The following TAOK1 variants were observed in gnomAD, a reference collection of about 807,000 sequenced individuals.
TAOK1 encodes TAO kinase 1.
In TAOK1, 21 loss-of-function variants were observed where a neutral mutation model predicts 138.3. The observed-to-expected ratio is 0.15, with a 90% CI of 0.11 to 0.22. The LOEUF is 0.22. Ranked by LOEUF, TAOK1 falls within the 10% of genes least tolerant of loss-of-function variation. TAOK1 has a pLI of 1.00. For synonymous variants in TAOK1, 361 were observed against 398.4 expected (o/e 0.91, Z 1.12); for missense variants, 651 against 1,227.7 (o/e 0.53, Z 7.02).
chr17:29,506,619 G>A (rs1412464790), intron 13 of TAOK1, among the ~76,000 whole-genome samples: 3 of 151,948 alleles, frequency 2.0e-5, no homozygotes, highest in Admixed American at 6.6e-5. Context: ...GATCTCAAAT[G>A]TCTCACCATA....
chr17:29,449,510 C>T (rs964491674), intron 1 of TAOK1, among the ~76,000 whole-genome samples: 1 of 152,072 alleles, frequency 6.6e-6, no homozygotes, highest in Non-Finnish European at 1.5e-5. Flanking sequence ...TGTTACTTGA[C>T]AAGAATTGGA....
At chr17:29,477,227 T>G (rs2153026573) in intron 4 of TAOK1, among the ~76,000 whole-genome samples, 1 of 152,276 alleles carries the variant, frequency 6.6e-6, no homozygotes, top group African/African-American at 2.4e-5. Context: ...AAGGGCTGAC[T>G]ATACATATAA....
chr17:29,453,116 A>G (rs2030283811), intron 2 of TAOK1, among the ~76,000 whole-genome samples: 1 of 152,090 alleles, frequency 6.6e-6, no homozygotes, highest in Admixed American at 6.5e-5. Context: ...ATACTTCATA[A>G]AAAAGAAATC....
intron 2 of TAOK1, 48 bp downstream of exon 2, chr17:29,451,728 C>T (rs2030241846): frequency 6.3e-7 from 1 of 1,582,802 alleles, no homozygotes; most frequent in Non-Finnish European, 8.6e-7. Context: ...ACTTAATGTC[C>T]ACTCCTGACA....
chr17:29,440,310 A>G (rs1346845002), intron 1 of TAOK1, among the ~76,000 whole-genome samples: 1 of 152,184 alleles, frequency 6.6e-6, no homozygotes, highest in Non-Finnish European at 1.5e-5. Context: ...TTTTGGGTCA[A>G]TACTCTTTCA....
chr17:29,540,627 A>G (rs781536827), intron 19 of TAOK1, among the ~76,000 whole-genome samples: 9 of 151,040 alleles, frequency 6.0e-5, no homozygotes, highest in Admixed American at 1.3e-4. Context: ...CTTGAGTGCA[A>G]TGGTGCTATC....
intron 1 of TAOK1, among the ~76,000 whole-genome samples, chr17:29,447,527 C>T (rs185533864): frequency 1.1e-4 from 16 of 152,024 alleles, no homozygotes; most frequent in South Asian, 2.1e-4. Flanking sequence ...GACAGGGTTT[C>T]GCCATGTTGG....
intron 8 of TAOK1, among the ~76,000 whole-genome samples, chr17:29,483,267 A>G (rs556941998): frequency 1.3e-5 from 2 of 152,036 alleles, no homozygotes; most frequent in Middle Eastern, 3.4e-3. Context: ...TAGCAGAGAC[A>G]GGGTTTCGCC....
chr17:29,459,810 T>G (rs1022992624), intron 2 of TAOK1, among the ~76,000 whole-genome samples: 4 of 152,214 alleles, frequency 2.6e-5, no homozygotes, highest in Admixed American at 6.5e-5. Context: ...TTCTAGTGTT[T>G]TGGAGAACCT....
intron 8 of TAOK1, among the ~76,000 whole-genome samples, chr17:29,488,778 C>CAA (rs35469489): frequency 0.87 from 131,578 of 151,790 alleles, 57,180 homozygotes; most frequent in Middle Eastern, 0.95. Context: ...TAAACTAAAA[C>CAA]AGAGCAAATT....
At chr17:29,505,731 C>T (rs962124326) in intron 13 of TAOK1, among the ~76,000 whole-genome samples, 36 of 151,862 alleles carry the variant, frequency 2.4e-4, no homozygotes, top group African/African-American at 8.4e-4. Flanking sequence ...ATCAGGAGTT[C>T]AAGACCAGCC....
rs552959190 is a variant in TAOK1 at position 29,522,596 on chromosome 17, T to A, written c.2148+77T>A. The A allele has an allele frequency of 2.1e-5, 33 of 1,560,714 alleles. No homozygotes were observed. The South Asian group carries it at 3.4e-4, about 16-fold the overall frequency. On this transcript the variant is annotated intron_variant, in intron 17 of 19. Transcript: ENST00000261716. The stretch of plus-strand genomic sequence containing the variant: ...CATGTAAGCAGGAAAAGTCTTAAGA[T>A]GATGTCTAGTCATAAAGAAATTGAC...
chr17:29,517,476 C>G lies in TAOK1; in HGVS notation c.1728C>G (p.Thr576=), dbSNP rs373788473. ...AGGAGCTAAATGAAAACCAGAGTACCCCCAAAAAAGAAAAACAGGAGTGGC... is the reference window on the plus strand; with the variant it reads ...AGGAGCTAAATGAAAACCAGAGTACGCCCAAAAAAGAAAAACAGGAGTGGC... ...LKEELNENQS[T]PKKEKQEWLS... Residue 576 remains threonine, a synonymous_variant, in exon 16 of 20, where the codon ACC becomes ACG. Coordinates refer to ENST00000261716, the MANE Select transcript of TAOK1 (RefSeq NM_020791.4). The G allele has an allele frequency of 1.5e-4, 249 of 1,613,408 alleles. No homozygotes were observed. Among genetic ancestry groups the G allele is most frequent in the Non-Finnish European group, 2.0e-4 (238 of 1,179,926 alleles).
intron 14 of TAOK1, 49 bp from the exon 15 acceptor site, chr17:29,510,814 CT>C: frequency 7.2e-7 from 1 of 1,379,904 alleles, no homozygotes; most frequent in Non-Finnish European, 9.8e-7. Flanking sequence ...TATTAAACCA[CT>C]ACTTTATCTA....
intron 4 of TAOK1, among the ~76,000 whole-genome samples, chr17:29,476,593 T>G (rs1194349606): frequency 2.6e-5 from 4 of 152,168 alleles, no homozygotes; most frequent in Non-Finnish European, 5.9e-5. Context: ...AAGAAACAGT[T>G]GTAACCTAAG....
At chr17:29,505,600 G>A (rs539425015) in intron 13 of TAOK1, among the ~76,000 whole-genome samples, 1 of 152,258 alleles carries the variant, frequency 6.6e-6, no homozygotes, top group African/African-American at 2.4e-5. Context: ...TCCTCGGGAG[G>A]TTGAGGCAGG....
chr17:29,400,595 C>G (rs765361483), intron 1 of TAOK1, among the ~76,000 whole-genome samples: 1 of 151,952 alleles, frequency 6.6e-6, no homozygotes, highest in Admixed American at 6.6e-5. Context: ...AAGTGCCTTA[C>G]GTTCCAAAAT....
chr17:29,467,675 A>T (rs2030705000), intron 3 of TAOK1, among the ~76,000 whole-genome samples: 1 of 152,104 alleles, frequency 6.6e-6, no homozygotes, highest in African/African-American at 2.4e-5. Context: ...TACACATCTT[A>T]AGTGTATATC....
At chr17:29,501,545 T>C (rs2031531247) in intron 12 of TAOK1, among the ~76,000 whole-genome samples, 1 of 152,206 alleles carries the variant, frequency 6.6e-6, no homozygotes, top group East Asian at 1.9e-4. Flanking sequence ...ACAACTGTTT[T>C]TGTTTTTGCT....
Sources: gnomAD v4.1 joint callset for allele counts (sites outside exome capture counted in the v4.1 genomes callset) on GRCh38, gnomAD v4.1.1 for gene constraint, MANE v1.5 for transcripts, NCBI Gene and HGNC (gene_info 2026-07-23, HGNC 2026-07-21) for gene names.